DNAH8: variants seen among roughly 807,000 people sequenced by gnomAD.
DNAH8 encodes axonemal beta dynein heavy chain 8.
In DNAH8, 382 loss-of-function variants were observed where a neutral mutation model predicts 562.1. The observed-to-expected ratio is 0.68, with a 90% CI of 0.63 to 0.74. The LOEUF is 0.74. DNAH8 is among the 30% of genes least tolerant of loss of function. DNAH8 has a pLI of 0.00. For missense variants in DNAH8, 5,203 were observed against 5,620.4 expected (o/e 0.93, Z 2.37); for synonymous variants, 1,881 against 1,919.4 (o/e 0.98, Z 0.52).
chr6:38,831,994 T>A (rs1773878418), intron 30 of DNAH8, among the ~76,000 whole-genome samples: 1 of 152,202 alleles, frequency 6.6e-6, no homozygotes, highest in Non-Finnish European at 1.5e-5. Context: ...TAGAGATTGC[T>A]AATCCCAAGT....
Position 38,870,383 on chromosome 6 carries a change from T to C in DNAH8, c.6829-18T>C, listed in dbSNP as rs915297173. ...GTTGACTGAATGAGTAAATTTATTT[T>C]AAACTATGCCACCTTAGGTTGATGA... On this transcript the variant is annotated intron_variant, in intron 48 of 92. Coordinates refer to ENST00000327475, the MANE Select transcript of DNAH8 (RefSeq NM_001206927.2). The C allele has an allele frequency of 6.2e-7, 1 of 1,606,724 alleles. No individual in the cohort carries two copies. The highest frequency in any genetic ancestry group is 1.3e-5 in the African/African-American group (1 of 74,808).
rs1024259844 is a variant in DNAH8 at position 38,945,486 on chromosome 6, G to A, written c.12027G>A (p.Leu4009=). ...CCCCAGGGGGAGCAGCTCTGGACCT[G>A]AAAGCCTGTCCTCCCAAACCCTATC... is the stretch of plus-strand genomic sequence containing the variant. ...ALIKGGAALD[L]KACPPKPYRW... is the part of the protein sequence containing the mutation. Residue 4009 remains leucine, a synonymous_variant, in exon 80 of 93, where the codon CTG becomes CTA. Coordinates refer to ENST00000327475, the MANE Select transcript of DNAH8 (RefSeq NM_001206927.2). The A allele has an allele frequency of 1.9e-6, 3 of 1,614,168 alleles. No individual in the cohort carries two copies. Among genetic ancestry groups the A allele is most frequent in the Non-Finnish European group, 2.5e-6 (3 of 1,180,018 alleles).
At chr6:38,786,205 T>A (rs1769145005) in intron 17 of DNAH8, among the ~76,000 whole-genome samples, 1 of 152,264 alleles carries the variant, frequency 6.6e-6, no homozygotes, top group African/African-American at 2.4e-5. Flanking sequence ...GAATGATGTT[T>A]ATGTGAGATG....
At position 38,915,181 on chromosome 6, in the gene DNAH8, G is replaced by A. The variant is rs1189309950; in HGVS notation, c.9964-20G>A. On this transcript the variant is annotated intron_variant, in intron 67 of 92. Transcript: ENST00000327475. ...TTGAAAGGTTTCTATTGGCTTTCAT[G>A]TGTTTCCTCAACTTAACAGGTATTA... 4 of 1,567,072 alleles carry A rather than the reference G, an allele frequency of 2.6e-6. No homozygotes were observed. Among genetic ancestry groups the A allele is most frequent in the African/African-American group, 1.4e-5 (1 of 71,868 alleles).
At chr6:38,863,428 A>C (rs1776793014) in intron 44 of DNAH8, among the ~76,000 whole-genome samples, 1 of 152,148 alleles carries the variant, frequency 6.6e-6, no homozygotes, top group African/African-American at 2.4e-5. Flanking sequence ...CTCTACCAAA[A>C]AAAACAAAAC....
At chr6:38,748,335 G>C (rs557102966) in intron 8 of DNAH8, among the ~76,000 whole-genome samples, 1 of 152,158 alleles carries the variant, frequency 6.6e-6, no homozygotes, top group African/African-American at 2.4e-5. Context: ...TGAGGAGGGA[G>C]GGAAAGAAAT....
chr6:38,854,198 G>T (rs1332240447), intron 41 of DNAH8, among the ~76,000 whole-genome samples: 1 of 151,496 alleles, frequency 6.6e-6, no homozygotes. Flanking sequence ...TTGTTGAGAG[G>T]CTTTTTCATG....
At chr6:38,759,314 C>G (rs1315897318) in intron 10 of DNAH8, among the ~76,000 whole-genome samples, 1 of 101,078 alleles carries the variant, frequency 9.9e-6, no homozygotes. Context: ...TCTCAAAAAA[C>G]AAACAAACAA....
chr6:38,777,622 G>A (rs772754393), intron 13 of DNAH8, among the ~76,000 whole-genome samples: 3 of 152,010 alleles, frequency 2.0e-5, no homozygotes, highest in Non-Finnish European at 2.9e-5. Flanking sequence ...TTATAGAGAC[G>A]GGTTCTTGCT....
chr6:38,995,019 A>G (rs1190854450), intron 88 of DNAH8, among the ~76,000 whole-genome samples: 1 of 142,324 alleles, frequency 7.0e-6, no homozygotes, highest in Admixed American at 6.9e-5. Flanking sequence ...AGTCTCCAGT[A>G]TGTTTTATTA....
rs35685371 is a variant in DNAH8, at chr6:38,734,326, A to ACCC, written c.611-141_611-139dup. 13,233 of 448,632 alleles carry ACCC rather than the reference A, an allele frequency of 0.029. 539 individuals are homozygous for ACCC. Among genetic ancestry groups the ACCC allele is most frequent in the African/African-American group, 0.11 (3,480 of 31,894 alleles). 27.8% of individuals were successfully genotyped at this position (448,632 alleles called of 1,614,324 possible). ...TGTAATTATTGGCATCTTCTAGTAG[A>ACCC]CCCCCCCCCAAAAAAATTATTCTAT... On this transcript the variant is annotated intron_variant, in intron 4 of 92. Transcript: ENST00000327475.
Position 38,915,472 on chromosome 6 carries a change from C to T in DNAH8, c.10140+95C>T. The stretch of plus-strand genomic sequence containing the variant: ...ACTCATCAGAAAACTGAATTGAATT[C>T]TTAATGTGATTGATAATCTCTGAGT... On this transcript the variant is annotated intron_variant, in intron 68 of 92. Coordinates refer to ENST00000327475, the MANE Select transcript of DNAH8 (RefSeq NM_001206927.2). The T allele has an allele frequency of 6.9e-6, 7 of 1,020,590 alleles. No homozygotes were observed. In the South Asian group the frequency reaches 2.0e-4, roughly 29 times the overall value. The allele number at this position is 1,020,590 out of a possible 1,614,324, so 63.2% of individuals were successfully genotyped here.
chr6:38,740,904 G>C (rs1280681978), intron 7 of DNAH8, among the ~76,000 whole-genome samples: 1 of 152,162 alleles, frequency 6.6e-6, no homozygotes, highest in Non-Finnish European at 1.5e-5. Context: ...GGGATCCACT[G>C]CTCCCAACCT....
intron 7 of DNAH8, among the ~76,000 whole-genome samples, chr6:38,739,417 T>C (rs1384798548): frequency 6.6e-6 from 1 of 152,230 alleles, no homozygotes; most frequent in Non-Finnish European, 1.5e-5. Context: ...TCTTAAATTC[T>C]TTATTTATTT....
intron 33 of DNAH8, among the ~76,000 whole-genome samples, chr6:38,838,537 T>A (rs1435669246): frequency 2.6e-5 from 4 of 152,168 alleles, no homozygotes; most frequent in Non-Finnish European, 5.9e-5. Flanking sequence ...TAGCTGGGAC[T>A]ACAGGCTCCT....
intron 91 of DNAH8, among the ~76,000 whole-genome samples, chr6:39,021,674 G>T (rs371007764): frequency 2.0e-4 from 30 of 152,306 alleles, no homozygotes; most frequent in African/African-American, 7.0e-4. Flanking sequence ...TCTTAAACTC[G>T]TGGCAGGAAC....
In DNAH8 at chr6:38,789,828, T is replaced by G; in HGVS notation, c.2609T>G (p.Leu870Ter). 6.2e-7 allele frequency: 1 copy of G among 1,612,692 alleles called. No homozygotes were observed. The highest frequency in any genetic ancestry group is 8.5e-7 in the Non-Finnish European group (1 of 1,179,402). Residue 870 changes from leucine to a stop codon, truncating the protein, a stop_gained, in exon 19 of 93, where the codon TTA (leucine) becomes TGA (stop). Transcript: ENST00000327475. LOFTEE classifies it high-confidence loss of function. ...GGTCTTCTGCAATATTATGATGAGT[T>G]ATGTCAGGAAGTGCCTTCTGTGTTT... ...LQGLLQYYDELCQEVPSVFVN... is the reference protein window; with the variant it reads ...LQGLLQYYDE
Position 38,827,732 on chromosome 6 carries a change from ACTTTTTTT to A in DNAH8, c.4084-451_4084-444del. ...CTGCAAAAGCTTAATTCTTTACCAA[ACTTTTTTT>A]TTTTTTTTTTTTTTTTTTTTTTTTT... On this transcript the variant is annotated intron_variant, in intron 29 of 92. Coordinates refer to ENST00000327475, the MANE Select transcript of DNAH8 (RefSeq NM_001206927.2). 7.8e-5 allele frequency among the ~76,000 whole-genome samples: 2 copies of A among 25,750 alleles called. 1 individual carries two copies. Among genetic ancestry groups the A allele is most frequent in the Admixed American group, 1.0e-3 (2 of 1,954 alleles). 16.9% of individuals were successfully genotyped at this position (25,750 alleles called of 152,430 possible).
Position 38,868,053 on chromosome 6 carries a change from C to T in DNAH8, c.6694-9C>T. 6.2e-7 allele frequency: 1 copy of T among 1,604,826 alleles called. No individual in the cohort carries two copies. On this transcript the variant is annotated splice_polypyrimidine_tract_variant and intron_variant, in intron 47 of 92. Coordinates refer to ENST00000327475, the MANE Select transcript of DNAH8 (RefSeq NM_001206927.2). ...TAAACCATCTTTTTGCCCTCTTCTC[C>T]CATCTCAGGTTCATTATGACTTTGG... is the stretch of plus-strand genomic sequence containing the variant.
Sources: gnomAD v4.1 joint callset for allele counts (sites outside exome capture counted in the v4.1 genomes callset) on GRCh38, gnomAD v4.1.1 for gene constraint, MANE v1.5 for transcripts, NCBI Gene and HGNC (gene_info 2026-07-23, HGNC 2026-07-21) for gene names.